VRK2: variants seen among roughly 807,000 people sequenced by gnomAD.
VRK2 encodes serine/threonine-protein kinase VRK2.
A neutral mutation model predicts 57.6 loss-of-function variants in VRK2; 60 were observed. That is an observed-to-expected ratio of 1.04 (90% CI 0.85 to 1.29). VRK2 has a LOEUF of 1.29. VRK2 is among the 50% of genes most tolerant of loss of function. VRK2 has a pLI of 0.00. For synonymous variants in VRK2, 231 were observed against 199.2 expected, an observed-to-expected ratio of 1.16 and a Z score of -1.35; for missense variants, 705 against 588.1, an observed-to-expected ratio of 1.20 and a Z score of -2.06.
intron 2 of VRK2, among the ~76,000 whole-genome samples, chr2:58,068,824 A>C (rs112046298): frequency 0.11 from 16,215 of 150,792 alleles, 1,112 homozygotes; most frequent in African/African-American, 0.17. Flanking sequence ...AAAAAAAAAA[A>C]AAAAACAAAA....
intron 3 of VRK2, among the ~76,000 whole-genome samples, chr2:58,039,903 ATTTTTTATTTT>A (rs1271909842): frequency 6.6e-6 from 1 of 151,018 alleles, no homozygotes; most frequent in African/African-American, 2.4e-5. Context: ...ATTTTTATTT[ATTTTTTATTTT>A]TATTTTTATT....
At chr2:58,024,897 T>C (rs928741569) in intron 1 of VRK2, among the ~76,000 whole-genome samples, 5 of 152,140 alleles carry the variant, frequency 3.3e-5, no homozygotes, top group African/African-American at 1.2e-4. Context: ...GAAATTCAAA[T>C]ATAAAGGAAA....
chr2:58,004,143 T>A (rs2103630685), intron 1 of VRK2, among the ~76,000 whole-genome samples: 1 of 152,150 alleles, frequency 6.6e-6, no homozygotes, highest in South Asian at 2.1e-4. Context: ...TTGCTCTTTT[T>A]TCTCTTTGTC....
chr2:57,972,028 A>T (rs1478097957), intron 1 of VRK2, among the ~76,000 whole-genome samples: 1 of 151,794 alleles, frequency 6.6e-6, no homozygotes, highest in Non-Finnish European at 1.5e-5. Context: ...GGCTCTGGGG[A>T]CCTGTTGACC....
At chr2:57,929,449 A>G (rs138630067) in intron 1 of VRK2, among the ~76,000 whole-genome samples, 1 of 152,216 alleles carries the variant, frequency 6.6e-6, no homozygotes, top group East Asian at 1.9e-4. Context: ...CCCTCCCTTA[A>G]GGAAAGTGGG....
chr2:58,071,124 G>A (rs1038290023), intron 2 of VRK2, among the ~76,000 whole-genome samples: 1 of 151,826 alleles, frequency 6.6e-6, no homozygotes, highest in Non-Finnish European at 1.5e-5. Context: ...AGAAGTTTCT[G>A]TTAAATATTT....
chr2:58,083,074 T>G (rs965612789), intron 2 of VRK2, among the ~76,000 whole-genome samples: 5 of 151,782 alleles, frequency 3.3e-5, no homozygotes, highest in African/African-American at 1.2e-4. Context: ...AAATATATTG[T>G]ATCTCAAGAA....
intron 2 of VRK2, among the ~76,000 whole-genome samples, chr2:58,076,445 G>A (rs1670119442): frequency 1.3e-5 from 2 of 151,862 alleles, no homozygotes; most frequent in African/African-American, 4.8e-5. Flanking sequence ...CTTGAGAAAA[G>A]TTCAAAATTT....
chr2:58,092,989 G>A (rs571584937), intron 7 of VRK2, among the ~76,000 whole-genome samples: 2 of 152,236 alleles, frequency 1.3e-5, no homozygotes, highest in Admixed American at 1.3e-4. Flanking sequence ...CAAAGGACAT[G>A]AACTCATCCT....
chr2:58,039,376 T>C (rs1327277611), intron 3 of VRK2, among the ~76,000 whole-genome samples: 1 of 151,888 alleles, frequency 6.6e-6, no homozygotes, highest in East Asian at 1.9e-4. Context: ...GCAGCTGTTC[T>C]CCACAAAAAA....
chr2:57,922,890 T>C (rs1670400117), intron 1 of VRK2, among the ~76,000 whole-genome samples: 1 of 152,030 alleles, frequency 6.6e-6, no homozygotes, highest in African/African-American at 2.4e-5. Flanking sequence ...TCCCAGCTTC[T>C]AGTAACCGTA....
chr2:58,159,603 TAGTGA>T lies in VRK2; in HGVS notation c.1440_1444del (p.Ser480ArgfsTer40). 6.2e-7 allele frequency: 1 copy of T among 1,613,872 alleles called. No individual in the cohort carries two copies. The highest frequency in any genetic ancestry group is 1.1e-5 in the South Asian group (1 of 91,066). ...GGCCTACAATTTCCCAGTTTACTCT[TAGTGA>T]AGAGACAAACGCAGATGTTTATTAT... On this transcript the variant is annotated frameshift_variant, in exon 13 of 13. Transcript: ENST00000340157. LOFTEE classifies it high-confidence loss of function.
chr2:58,000,963 A>G (rs1673071792), intron 1 of VRK2, among the ~76,000 whole-genome samples: 1 of 152,216 alleles, frequency 6.6e-6, no homozygotes, highest in Non-Finnish European at 1.5e-5. Context: ...ATAGCAGCTG[A>G]TCAGGTTTTC....
At chr2:58,024,395 G>GT (rs1166091320) in intron 1 of VRK2, among the ~76,000 whole-genome samples, 1 of 151,334 alleles carries the variant, frequency 6.6e-6, no homozygotes, top group East Asian at 1.9e-4. Flanking sequence ...ATTAATAGAA[G>GT]TTTTTTTGGG....
At chr2:58,123,020 T>A (rs1265591079) in intron 7 of VRK2, 81 bp from the exon 8 acceptor site, 3 of 1,500,896 alleles carry the variant, frequency 2.0e-6, no homozygotes, top group Non-Finnish European at 2.7e-6. Context: ...TCTTAACCTA[T>A]CAGTTTCTTA....
intron 1 of VRK2, among the ~76,000 whole-genome samples, chr2:57,925,755 C>T (rs901966004): frequency 3.3e-5 from 5 of 149,386 alleles, no homozygotes; most frequent in Admixed American, 3.3e-4. Flanking sequence ...TTTATTATTT[C>T]TTTTCTTCTA....
At chr2:57,932,027 T>A (rs1670744864) in intron 1 of VRK2, among the ~76,000 whole-genome samples, 1 of 152,160 alleles carries the variant, frequency 6.6e-6, no homozygotes, top group Non-Finnish European at 1.5e-5. Flanking sequence ...TATGGATTTG[T>A]AAATAATTTG....
intron 7 of VRK2, among the ~76,000 whole-genome samples, chr2:58,098,343 A>G (rs1222255257): frequency 2.0e-5 from 3 of 152,138 alleles, no homozygotes; most frequent in African/African-American, 7.2e-5. Flanking sequence ...GCCTACGTGT[A>G]CAGTGTTTTA....
At chr2:57,926,128 CTT>C (rs925609225) in intron 1 of VRK2, among the ~76,000 whole-genome samples, 2 of 151,506 alleles carry the variant, frequency 1.3e-5, no homozygotes, top group Non-Finnish European at 2.9e-5. Context: ...TTTTTTAAGA[CTT>C]TTTTGTGAGC....
Sources: gnomAD v4.1 joint callset for allele counts (sites outside exome capture counted in the v4.1 genomes callset) on GRCh38, gnomAD v4.1.1 for gene constraint, MANE v1.5 for transcripts, NCBI Gene and HGNC (gene_info 2026-07-23, HGNC 2026-07-21) for gene names.